TRIM14: variants seen among roughly 807,000 people sequenced by gnomAD.
TRIM14 encodes the protein tripartite motif-containing protein 14.
TRIM14 carries 28 observed loss-of-function variants against 44.5 expected under a neutral mutation model. That is an observed-to-expected ratio of 0.63 (90% confidence interval 0.47 to 0.86). The LOEUF is 0.86. Among genes scored for constraint, TRIM14 ranks in the 40% least tolerant of loss-of-function variants. The probability of loss-of-function intolerance (pLI) is 0.00; values close to 1 mark genes in which losing one functional copy is unlikely to be tolerated. For synonymous variants in TRIM14, 299 were observed against 269.2 expected (o/e 1.11, Z -1.08); for missense variants, 607 against 611.1 (o/e 0.99, Z 0.07).
chr9:98,036,500 G>GAAAAAAA, the TRIM14 span, among the ~76,000 whole-genome samples: 151 of 102,530 alleles, frequency 1.5e-3, 2 homozygotes, highest in African/African-American at 4.5e-3. Context: ...GACTCCATCT[G>GAAAAAAA]AAAAAAAAAA....
At chr9:98,079,069 GC>G (rs1171029174) in intron 6 of TRIM14, among the ~76,000 whole-genome samples, 1 of 152,022 alleles carries the variant, frequency 6.6e-6, no homozygotes. Flanking sequence ...TATAGTGACA[GC>G]CTTGATGGAA....
At chr9:98,080,996 C>A, downstream of TRIM14, 1 of 1,614,220 alleles carries the variant, frequency 6.2e-7, no homozygotes, top group South Asian at 1.1e-5. Flanking sequence ...ACTGGCCGAG[C>A]TGGTGCGGTC....
At chr9:98,083,413 C>A (rs149322685), downstream of TRIM14, among the ~76,000 whole-genome samples, 19 of 152,348 alleles carry the variant, frequency 1.2e-4, no homozygotes, top group African/African-American at 4.6e-4. Context: ...TTTAAGCCTT[C>A]ATTCTCACTT....
At position 98,087,973 on chromosome 9, in the gene TRIM14, T is replaced by A; in HGVS notation, c.826A>T (p.Met276Leu). Residue 276 changes from methionine to leucine, a missense_variant, in exon 6 of 6, where the codon ATG becomes TTG. This residue lies in a region of TRIM14 where 356 missense variants were observed against 323.0 expected (regional missense o/e 1.10). Coordinates refer to ENST00000341469, the MANE Select transcript of TRIM14 (RefSeq NM_014788.4). Reference sequence around the variant, plus strand: ...GCGGACAGGCGCAGGCGCGCGTGCATCGTGTCAGGATCCAGCGTGGGCGTG... The same window carrying A: ...GCGGACAGGCGCAGGCGCGCGTGCAACGTGTCAGGATCCAGCGTGGGCGTG... ...ARTPTLDPDT[M>L]HARLRLSADR... 6.4e-7 allele frequency: 1 copy of A among 1,560,624 alleles called. No homozygotes were observed. The highest frequency in any genetic ancestry group is 8.6e-7 in the Non-Finnish European group (1 of 1,164,544).
At chr9:98,092,170 G>A (rs940329730) in intron 4 of TRIM14, among the ~76,000 whole-genome samples, 169 bp from the exon 5 acceptor site, 2 of 152,178 alleles carry the variant, frequency 1.3e-5, no homozygotes, top group Admixed American at 6.5e-5. Flanking sequence ...GGATGACAAG[G>A]CTGGTGTGGG....
chr9:98,057,528 C>T, the TRIM14 span, among the ~76,000 whole-genome samples: 1 of 152,192 alleles, frequency 6.6e-6, no homozygotes, highest in Non-Finnish European at 1.5e-5. Context: ...TCCGTGAACC[C>T]TTTTCCCCAT....
downstream of TRIM14, chr9:98,080,984 G>T (rs200709126): frequency 8.1e-6 from 13 of 1,614,096 alleles, no homozygotes; most frequent in Admixed American, 1.7e-5. Context: ...GGAGCCTGGA[G>T]AACTGGCCGA....
At chr9:98,055,494 G>C in the TRIM14 span, among the ~76,000 whole-genome samples, 211 of 152,248 alleles carry the variant, frequency 1.4e-3, 1 homozygote, top group Middle Eastern at 3.4e-3. Flanking sequence ...CAATCTGGTG[G>C]TGCCAGCTGA....
intron 6 of TRIM14, chr9:98,078,200 A>G: frequency 1.2e-6 from 2 of 1,614,228 alleles, no homozygotes; most frequent in Non-Finnish European, 1.7e-6. Context: ...CAGGTCGCCC[A>G]ATGGTGATCT....
At chr9:98,052,194 CAG>C in the TRIM14 span, among the ~76,000 whole-genome samples, 4 of 152,184 alleles carry the variant, frequency 2.6e-5, no homozygotes, top group Middle Eastern at 3.4e-3. Context: ...ATGAGGGAAA[CAG>C]AGGTTTTTCC....
intron 6 of TRIM14, among the ~76,000 whole-genome samples, chr9:98,073,939 A>G (rs1278514701): frequency 6.6e-6 from 1 of 151,888 alleles, no homozygotes; most frequent in African/African-American, 2.4e-5. Flanking sequence ...GGCACACACC[A>G]CACACCCGGC....
chr9:98,060,594 C>T, the TRIM14 span, among the ~76,000 whole-genome samples: 6 of 151,492 alleles, frequency 4.0e-5, no homozygotes, highest in African/African-American at 1.2e-4. Flanking sequence ...GGCTTGAACC[C>T]GGGAGGCATT....
downstream of TRIM14, among the ~76,000 whole-genome samples, chr9:98,065,640 C>CT (rs751144623): frequency 1.4e-3 from 205 of 143,892 alleles, 1 homozygote; most frequent in African/African-American, 3.4e-3. Context: ...CATCCAGCTG[C>CT]TTTTTTTTTT....
At chr9:98,052,985 G>T in the TRIM14 span, among the ~76,000 whole-genome samples, 1 of 152,140 alleles carries the variant, frequency 6.6e-6, no homozygotes, top group Non-Finnish European at 1.5e-5. Flanking sequence ...CTAATAATTA[G>T]AGTCTCCCCA....
intron 2 of TRIM14, among the ~76,000 whole-genome samples, chr9:98,103,293 A>G (rs1172258780): frequency 1.3e-5 from 2 of 152,178 alleles, no homozygotes; most frequent in Non-Finnish European, 2.9e-5. Context: ...GCTGCAGAAT[A>G]ATATAAGCAA....
In TRIM14 at chr9:98,103,253, G is replaced by GA. The variant is rs980372978; in HGVS notation, c.304-3090dup. Reference sequence around the variant, plus strand: ...ATGTCCTGGCAGGGAAAGTTCTCCAGAAAAAAAAAAAACAGGTGAAAAAGA... The same window carrying GA: ...ATGTCCTGGCAGGGAAAGTTCTCCAGAAAAAAAAAAAAACAGGTGAAAAAGA... On this transcript the variant is annotated intron_variant, in intron 2 of 5. Transcript: ENST00000341469. Among the ~76,000 whole-genome samples, 900 of 120,470 alleles carry GA rather than the reference G, an allele frequency of 7.5e-3. 2 individuals carry two copies. Among genetic ancestry groups the GA allele is most frequent in the African/African-American group, 0.014 (459 of 32,594 alleles). The allele number at this position is 120,470 out of a possible 152,430, so 79.0% of individuals were successfully genotyped here.
the TRIM14 span, among the ~76,000 whole-genome samples, chr9:98,043,614 A>G: frequency 6.9e-6 from 1 of 145,502 alleles, no homozygotes; most frequent in East Asian, 1.9e-4. Context: ...ATAGAAATCT[A>G]TCATAAAGGA....
chr9:98,063,068 G>C, the TRIM14 span, among the ~76,000 whole-genome samples: 1 of 150,622 alleles, frequency 6.6e-6, no homozygotes, highest in Non-Finnish European at 1.5e-5. Flanking sequence ...TCCCAAGTAT[G>C]CATGCACCAC....
the TRIM14 span, among the ~76,000 whole-genome samples, chr9:98,061,641 G>A: frequency 3.6e-4 from 53 of 146,072 alleles, no homozygotes; most frequent in South Asian, 6.1e-3. Context: ...TTAGCTGGGC[G>A]TGGTGGCATG....
Sources: allele counts gnomAD v4.1 joint callset (sites outside exome capture counted in the v4.1 genomes callset), GRCh38; gene constraint gnomAD v4.1.1; regional missense constraint gnomAD v4.1.1; transcripts MANE v1.5; gene names NCBI Gene and HGNC (gene_info 2026-07-23, HGNC 2026-07-21).